Variants in ETFA observed in about 807,000 individuals in gnomAD.
ETFA encodes electron transfer flavoprotein subunit alpha.
Under a neutral mutation model 46.2 loss-of-function variants are expected in ETFA, and 22 were observed. The observed-to-expected ratio is 0.48, with a 90% CI of 0.34 to 0.68. ETFA has a LOEUF of 0.68. Ranked by LOEUF, ETFA falls within the 30% of genes least tolerant of loss-of-function variation. The pLI is 0.01. For synonymous variants in ETFA, 131 were observed against 139.9 expected (o/e 0.94, Z 0.45); for missense variants, 345 against 401.1 (o/e 0.86, Z 1.19).
chr15:76,280,664 G>A (rs1211380820), intron 8 of ETFA, among the ~76,000 whole-genome samples: 2 of 152,120 alleles, frequency 1.3e-5, no homozygotes, highest in Non-Finnish European at 2.9e-5. Flanking sequence ...CAGAGAAAGA[G>A]CAATCTCTAC....
intron 9 of ETFA, among the ~76,000 whole-genome samples, chr15:76,248,962 T>A (rs1466293950): frequency 6.6e-6 from 1 of 151,864 alleles, no homozygotes; most frequent in African/African-American, 2.4e-5. Context: ...ACATTAAATA[T>A]TCAAAGGGAA....
intron 8 of ETFA, among the ~76,000 whole-genome samples, chr15:76,276,722 C>T (rs973797337): frequency 1.3e-5 from 2 of 152,228 alleles, no homozygotes; most frequent in East Asian, 1.9e-4. Context: ...ATTCTTTCCT[C>T]GGCCATATCC....
chr15:76,254,632 C>A (rs550742283), intron 9 of ETFA, among the ~76,000 whole-genome samples: 1 of 152,064 alleles, frequency 6.6e-6, no homozygotes, highest in Non-Finnish European at 1.5e-5. Context: ...TGTTATTTAC[C>A]GTTTTTTTCT....
At chr15:76,258,107 A>G (rs1043686755) in intron 9 of ETFA, among the ~76,000 whole-genome samples, 4 of 151,934 alleles carry the variant, frequency 2.6e-5, no homozygotes, top group African/African-American at 9.7e-5. Flanking sequence ...CCAGCATGGC[A>G]CATGTATACA....
intron 9 of ETFA, among the ~76,000 whole-genome samples, chr15:76,240,681 A>T (rs2039176868): frequency 6.6e-6 from 1 of 152,162 alleles, no homozygotes; most frequent in Non-Finnish European, 1.5e-5. Context: ...TTCTAATTGT[A>T]GATTTCAATT....
At chr15:76,257,535 T>C (rs2039357079) in intron 9 of ETFA, among the ~76,000 whole-genome samples, 1 of 152,124 alleles carries the variant, frequency 6.6e-6, no homozygotes, top group African/African-American at 2.4e-5. Context: ...CTGGAGAGGA[T>C]GTGGAGAAAG....
intron 11 of ETFA, 103 bp downstream of exon 11, chr15:76,225,746 C>G: frequency 1.7e-5 from 14 of 829,904 alleles, no homozygotes; most frequent in South Asian, 1.5e-4. Flanking sequence ...CACAGACACA[C>G]AAACACACAA....
In ETFA at chr15:76,283,824, A is replaced by T; in HGVS notation, c.666T>A (p.Gly222=). ...AGTTCTCTCCACTCTTCAAGCCTCG[A>T]CCTCATTTAAAAAGATGAAAAAAAA... ...LTGAKVVVSG[G]RGLKSGENFK... Residue 222 remains glycine, a splice_region_variant and synonymous_variant, in exon 8 of 12, where the codon GGT becomes GGA. Coordinates refer to ENST00000557943, the MANE Select transcript of ETFA (RefSeq NM_000126.4). The T allele has an allele frequency of 6.2e-7, 1 of 1,609,116 alleles. No homozygotes were observed. The highest frequency in any genetic ancestry group is 8.5e-7 in the Non-Finnish European group (1 of 1,176,366).
intron 9 of ETFA, among the ~76,000 whole-genome samples, chr15:76,272,664 C>T (rs1302674310): frequency 6.6e-6 from 1 of 151,934 alleles, no homozygotes; most frequent in Non-Finnish European, 1.5e-5. Context: ...GTGGCACATA[C>T]CTGCAGTCCC....
chr15:76,253,149 A>C (rs775114635), intron 9 of ETFA, among the ~76,000 whole-genome samples: 2 of 152,158 alleles, frequency 1.3e-5, no homozygotes, highest in Non-Finnish European at 2.9e-5. Flanking sequence ...GAGGAGAAGA[A>C]GTCTTTGTTA....
chr15:76,260,944 G>A, intron 9 of ETFA: 1 of 1,611,222 alleles, frequency 6.2e-7, no homozygotes, highest in South Asian at 1.1e-5. Flanking sequence ...CAGGACTGCA[G>A]CAGGGCTCGG....
At chr15:76,282,993 C>T (rs1355604055) in intron 8 of ETFA, among the ~76,000 whole-genome samples, 1 of 152,008 alleles carries the variant, frequency 6.6e-6, no homozygotes, top group Non-Finnish European at 1.5e-5. Context: ...TCACTCCCTT[C>T]TCATCAATGT....
intron 1 of ETFA, among the ~76,000 whole-genome samples, chr15:76,308,814 G>C (rs2039961334): frequency 6.6e-6 from 1 of 152,208 alleles, no homozygotes; most frequent in African/African-American, 2.4e-5. Context: ...TAGTTAGAAA[G>C]TGAACCTCTT....
intron 9 of ETFA, among the ~76,000 whole-genome samples, chr15:76,238,002 A>G (rs185716531): frequency 1.3e-5 from 2 of 152,318 alleles, no homozygotes; most frequent in Admixed American, 6.5e-5. Context: ...GATTTCTAAC[A>G]CAATCTTTGT....
At chr15:76,255,557 G>A (rs1382997240) in intron 9 of ETFA, among the ~76,000 whole-genome samples, 8 of 152,166 alleles carry the variant, frequency 5.3e-5, no homozygotes, top group Non-Finnish European at 1.2e-4. Flanking sequence ...AAAATATTTA[G>A]CTGTAAACAT....
At chr15:76,271,770 G>T (rs146616087) in intron 9 of ETFA, among the ~76,000 whole-genome samples, 30 of 152,152 alleles carry the variant, frequency 2.0e-4, no homozygotes, top group South Asian at 4.1e-4. Flanking sequence ...TAAAAATATA[G>T]GTTTTTTGTT....
At chr15:76,272,251 G>A (rs1217628300) in intron 9 of ETFA, among the ~76,000 whole-genome samples, 11 of 141,580 alleles carry the variant, frequency 7.8e-5, no homozygotes, top group African/African-American at 1.3e-4. Flanking sequence ...AGACAGTCTC[G>A]CTCTTGTCGC....
rs1398733411 is a variant in ETFA at position 76,225,947 on chromosome 15, A to C, written c.883-18T>G. ...ACAATTGTCTGTGAAATAAAAACAA[A>C]GAGTTTGACTTTTACCAAGAAAACA... On this transcript the variant is annotated intron_variant, in intron 10 of 11. Transcript: ENST00000557943. The C allele has an allele frequency of 2.0e-6, 3 of 1,517,724 alleles. No homozygotes were observed. In the African/African-American group the frequency reaches 4.1e-5, roughly 21 times the overall value. 94.0% of individuals were successfully genotyped at this position (1,517,724 alleles called of 1,614,324 possible).
intron 4 of ETFA, among the ~76,000 whole-genome samples, chr15:76,290,753 A>C (rs906533091): frequency 6.6e-6 from 1 of 152,190 alleles, no homozygotes; most frequent in Non-Finnish European, 1.5e-5. Flanking sequence ...AAATCCATAG[A>C]AGGAGGCCTA....
Sources: allele counts gnomAD v4.1 joint callset (sites outside exome capture counted in the v4.1 genomes callset), GRCh38; gene constraint gnomAD v4.1.1; transcripts MANE v1.5; gene names NCBI Gene and HGNC (gene_info 2026-07-23, HGNC 2026-07-21).